SLCO1C1: variants seen among roughly 807,000 people sequenced by gnomAD.
SLCO1C1 encodes OAT-RP-5.
SLCO1C1 carries 70 observed loss-of-function variants against 76.4 expected under a neutral mutation model. That is an observed-to-expected ratio of 0.92 (90% CI 0.76 to 1.12). The LOEUF is 1.12. Ranked by LOEUF, SLCO1C1 falls within the 50% of genes most tolerant of loss-of-function variation. The pLI is 0.00. For synonymous variants in SLCO1C1, 306 were observed against 286.1 expected (o/e 1.07, Z -0.70); for missense variants, 912 against 823.8 (o/e 1.11, Z -1.31).
chr12:20,727,744 T>C (rs1031314279), intron 9 of SLCO1C1, among the ~76,000 whole-genome samples: 3 of 152,066 alleles, frequency 2.0e-5, no homozygotes, highest in Admixed American at 6.6e-5. Context: ...CTCCTGACCT[T>C]GTGATCTGCC....
chr12:20,734,630 G>C (rs948490187), intron 10 of SLCO1C1, among the ~76,000 whole-genome samples: 1 of 152,246 alleles, frequency 6.6e-6, no homozygotes, highest in Non-Finnish European at 1.5e-5. Context: ...ACTCAAAGTA[G>C]AACATTCTTT....
intron 3 of SLCO1C1, 136 bp downstream of exon 3, chr12:20,701,595 A>G (rs1214092575): frequency 7.0e-6 from 5 of 713,390 alleles, no homozygotes; most frequent in Non-Finnish European, 1.0e-5. Flanking sequence ...TTTGGACAGA[A>G]TTTACCATGA....
intron 13 of SLCO1C1, among the ~76,000 whole-genome samples, chr12:20,745,445 ATATT>A (rs1229394102): frequency 2.6e-5 from 4 of 152,168 alleles, no homozygotes; most frequent in African/African-American, 7.2e-5. Flanking sequence ...AAACTATTAT[ATATT>A]TAAGATAAAG....
intron 13 of SLCO1C1, among the ~76,000 whole-genome samples, chr12:20,749,792 A>G (rs1332518570): frequency 6.6e-6 from 1 of 152,240 alleles, no homozygotes; most frequent in Non-Finnish European, 1.5e-5. Context: ...AAGCTATTAC[A>G]GGAGTATTTA....
chr12:20,714,455 G>A (rs1947272261), intron 5 of SLCO1C1, among the ~76,000 whole-genome samples: 1 of 152,164 alleles, frequency 6.6e-6, no homozygotes, highest in Non-Finnish European at 1.5e-5. Context: ...TTTTATGAAA[G>A]CATTTAAAAA....
At chr12:20,715,818 C>A (rs1310259656) in intron 6 of SLCO1C1, among the ~76,000 whole-genome samples, 1 of 152,082 alleles carries the variant, frequency 6.6e-6, no homozygotes, top group African/African-American at 2.4e-5. Flanking sequence ...CTGAGGCTAC[C>A]TCATCTCTGG....
Position 20,721,799 on chromosome 12 carries a change from T to C in SLCO1C1, c.776-5T>C, listed in dbSNP as rs1237777251. On this transcript the variant is annotated splice_polypyrimidine_tract_variant and splice_region_variant and intron_variant, in intron 7 of 14. Transcript: ENST00000266509. ...TATTACTTAGCCATCCCCTCTGTCT[T>C]TCAGATCACATAACCATTACCCCAA... The C allele has an allele frequency of 1.2e-6, 2 of 1,613,848 alleles. No individual in the cohort carries two copies. Among genetic ancestry groups the C allele is most frequent in the Non-Finnish European group, 1.7e-6 (2 of 1,179,864 alleles).
At chr12:20,735,133 T>TCC (rs1224838452) in intron 10 of SLCO1C1, among the ~76,000 whole-genome samples, 2 of 152,214 alleles carry the variant, frequency 1.3e-5, no homozygotes, top group African/African-American at 4.8e-5. Flanking sequence ...AAAGTATTTT[T>TCC]CTTTATAAAA....
chr12:20,715,102 A>G lies in SLCO1C1; in HGVS notation c.530-37A>G, dbSNP rs1947301822. On this transcript the variant is annotated intron_variant, in intron 5 of 14. Transcript: ENST00000266509. ...GAATAAATACTTAACTTTTAAAGTG[A>G]TCTATTTTCAATCCTCTGGTTTGCC... The G allele has an allele frequency of 1.9e-6, 3 of 1,611,784 alleles. No individual in the cohort carries two copies. The East Asian group carries it at 6.7e-5, about 36-fold the overall frequency.
intron 4 of SLCO1C1, among the ~76,000 whole-genome samples, chr12:20,710,778 A>G (rs185917282): frequency 1.3e-5 from 2 of 152,322 alleles, no homozygotes; most frequent in African/African-American, 2.4e-5. Flanking sequence ...TAAATAAAGT[A>G]TTCTGATGGC....
intron 12 of SLCO1C1, among the ~76,000 whole-genome samples, chr12:20,740,810 T>TATATATATATATATATATAC (rs1156597424): frequency 7.6e-6 from 1 of 132,080 alleles, no homozygotes; most frequent in African/African-American, 2.8e-5. Flanking sequence ...TATATATATA[T>TATATATATATATATATATAC]ATATATATGG....
intron 13 of SLCO1C1, among the ~76,000 whole-genome samples, chr12:20,744,729 A>G (rs1948963295): frequency 6.6e-6 from 1 of 152,154 alleles, no homozygotes. Context: ...TGGTAAAATT[A>G]TATATAGATT....
Position 20,743,457 on chromosome 12 carries a change from A to G in SLCO1C1, c.1798+88A>G, listed in dbSNP as rs1243481643. The G allele has an allele frequency of 3.8e-6, 4 of 1,065,480 alleles. No individual in the cohort carries two copies. In the African/African-American group the frequency reaches 6.3e-5, roughly 17 times the overall value. 66.0% of individuals were successfully genotyped at this position (1,065,480 alleles called of 1,614,324 possible). On this transcript the variant is annotated intron_variant, in intron 13 of 14. Transcript: ENST00000266509. ...AAATATTTTTACAGAATTGCCATGC[A>G]TAAATATATGTTGTAGGTGGCAAAG...
At chr12:20,709,367 A>G (rs1946944618) in intron 4 of SLCO1C1, among the ~76,000 whole-genome samples, 1 of 152,168 alleles carries the variant, frequency 6.6e-6, no homozygotes. Context: ...GCTGCCAGTT[A>G]TTTGAAATCA....
At chr12:20,719,963 G>A (rs1482368276) in intron 7 of SLCO1C1, among the ~76,000 whole-genome samples, 1 of 152,194 alleles carries the variant, frequency 6.6e-6, no homozygotes, top group African/African-American at 2.4e-5. Context: ...TAGAGGAGAA[G>A]TCAATCCTGA....
intron 10 of SLCO1C1, among the ~76,000 whole-genome samples, chr12:20,736,243 A>G (rs1948530392): frequency 6.7e-6 from 1 of 149,130 alleles, no homozygotes; most frequent in Non-Finnish European, 1.5e-5. Context: ...TGAAGGATAA[A>G]TATAAAAGCG....
At chr12:20,727,664 C>G (rs894639741) in intron 9 of SLCO1C1, among the ~76,000 whole-genome samples, 2 of 152,146 alleles carry the variant, frequency 1.3e-5, no homozygotes, top group Non-Finnish European at 2.9e-5. Context: ...CGCCCGCCAC[C>G]ACGCCCGGCT....
At chr12:20,737,004 G>A (rs545222439) in intron 10 of SLCO1C1, 103 bp from the exon 11 acceptor site, 66 of 1,033,004 alleles carry the variant, frequency 6.4e-5, no homozygotes, top group Non-Finnish European at 7.8e-5. Flanking sequence ...GGCAAATTTT[G>A]TTCATAGTAT....
At chr12:20,746,440 G>A (rs1287926395) in intron 13 of SLCO1C1, among the ~76,000 whole-genome samples, 4 of 151,256 alleles carry the variant, frequency 2.6e-5, no homozygotes, top group Admixed American at 6.6e-5. Context: ...TTCCTTCTTC[G>A]AGAAAAACCC....
Sources: allele counts gnomAD v4.1 joint callset (sites outside exome capture counted in the v4.1 genomes callset), GRCh38; gene constraint gnomAD v4.1.1; transcripts MANE v1.5; gene names NCBI Gene and HGNC (gene_info 2026-07-23, HGNC 2026-07-21).